Variants in CTNNA3 observed in about 807,000 individuals in gnomAD.
The protein encoded by CTNNA3 is catenin alpha 3.
CTNNA3 carries 76 observed loss-of-function variants against 95.7 expected under a neutral mutation model. The ratio of observed to expected loss-of-function variants is 0.79; its 90% CI spans 0.66 to 0.96. The LOEUF is 0.96. Ranked by LOEUF, CTNNA3 falls within the 40% of genes least tolerant of loss-of-function variation. The pLI is 0.00. For synonymous variants in CTNNA3, 431 were observed against 374.4 expected (o/e 1.15, Z -1.74); for missense variants, 1,191 against 1,089.8 (o/e 1.09, Z -1.31).
chr10:66,269,712 G>A (rs1023018607), intron 13 of CTNNA3, among the ~76,000 whole-genome samples: 3 of 151,980 alleles, frequency 2.0e-5, no homozygotes, highest in South Asian at 2.1e-4. Flanking sequence ...AATACACTCC[G>A]GCACATTCCA....
intron 9 of CTNNA3, among the ~76,000 whole-genome samples, chr10:66,640,717 C>T (rs1845487921): frequency 6.6e-6 from 1 of 152,134 alleles, no homozygotes; most frequent in Admixed American, 6.6e-5. Flanking sequence ...AGATTAGGCA[C>T]AGTTCCCCAG....
intron 13 of CTNNA3, among the ~76,000 whole-genome samples, chr10:66,198,536 C>A (rs1284197447): frequency 1.3e-5 from 2 of 152,060 alleles, no homozygotes; most frequent in Non-Finnish European, 2.9e-5. Flanking sequence ...CAAATTGAAT[C>A]TGCTAGACTG....
In CTNNA3 at chr10:66,956,135, G is replaced by T. The variant is rs148622210; in HGVS notation, c.1048-180611C>A. ...GGAAGAAGAACCTTTTTGCTTGTTAGCCTTCATATTTCCTACATGTGGGGG... is the reference window on the plus strand; with the variant it reads ...GGAAGAAGAACCTTTTTGCTTGTTATCCTTCATATTTCCTACATGTGGGGG... On this transcript the variant is annotated intron_variant, in intron 7 of 17. Transcript: ENST00000433211. 1.3e-4 allele frequency among the ~76,000 whole-genome samples: 20 copies of T among 151,952 alleles called. 1 individual carries two copies. In the East Asian group the frequency reaches 3.7e-3, roughly 28 times the overall value.
chr10:66,642,597 T>A, intron 9 of CTNNA3, among the ~76,000 whole-genome samples: 1 of 152,138 alleles, frequency 6.6e-6, no homozygotes, highest in East Asian at 1.9e-4. Context: ...TTCCCTTGGC[T>A]AGAAATATTT....
chr10:66,369,703 T>G (rs1165072641), intron 12 of CTNNA3, among the ~76,000 whole-genome samples: 1 of 152,162 alleles, frequency 6.6e-6, no homozygotes, highest in Non-Finnish European at 1.5e-5. Context: ...TTGCAAATGT[T>G]GGCCGGCTAA....
At chr10:66,079,996 T>C (rs2080693222) in intron 14 of CTNNA3, among the ~76,000 whole-genome samples, 2 of 152,224 alleles carry the variant, frequency 1.3e-5, no homozygotes, top group African/African-American at 4.8e-5. Flanking sequence ...TATTTCTTTC[T>C]GACTCCATTA....
intron 12 of CTNNA3, among the ~76,000 whole-genome samples, chr10:66,290,096 G>A (rs1185088491): frequency 2.6e-5 from 4 of 152,026 alleles, no homozygotes; most frequent in African/African-American, 9.7e-5. Flanking sequence ...AGGAAAGAAG[G>A]ATAGTAGTAG....
At chr10:66,457,348 G>A (rs72791556) in intron 11 of CTNNA3, among the ~76,000 whole-genome samples, 17,190 of 151,636 alleles carry the variant, frequency 0.11, 1,369 homozygotes, top group African/African-American at 0.23. Context: ...AAGCACTCTC[G>A]AAACTCAATA....
At chr10:67,688,081 G>A (rs533293108) in intron 1 of CTNNA3, among the ~76,000 whole-genome samples, 1 of 152,178 alleles carries the variant, frequency 6.6e-6, no homozygotes, top group Non-Finnish European at 1.5e-5. Flanking sequence ...TGACCTAATA[G>A]CATGATATCT....
At chr10:66,233,625 A>T (rs1186830800) in intron 13 of CTNNA3, among the ~76,000 whole-genome samples, 2 of 152,178 alleles carry the variant, frequency 1.3e-5, no homozygotes, top group African/African-American at 4.8e-5. Flanking sequence ...CTGCATATAG[A>T]CTAGAATAGT....
intron 13 of CTNNA3, among the ~76,000 whole-genome samples, chr10:66,228,643 A>ATAT (rs2089440479): frequency 6.6e-6 from 1 of 152,048 alleles, no homozygotes; most frequent in Non-Finnish European, 1.5e-5. Context: ...CTCTACTTGT[A>ATAT]TATTAGGTCT....
chr10:67,264,629 A>G (rs1251399316), intron 5 of CTNNA3, among the ~76,000 whole-genome samples: 1 of 152,142 alleles, frequency 6.6e-6, no homozygotes, highest in East Asian at 1.9e-4. Flanking sequence ...CTATTCTGCA[A>G]ATTTTAGATT....
intron 15 of CTNNA3, among the ~76,000 whole-genome samples, chr10:65,992,625 A>T (rs886945192): frequency 1.4e-5 from 2 of 147,330 alleles, no homozygotes; most frequent in African/African-American, 2.5e-5. Flanking sequence ...TTATTTGGGT[A>T]TTCTCTCTTT....
At chr10:67,726,414 T>C (rs1358599483) in intron 1 of CTNNA3, among the ~76,000 whole-genome samples, 14 of 59,186 alleles carry the variant, frequency 2.4e-4, no homozygotes, top group East Asian at 2.1e-3. Flanking sequence ...ATATCATATA[T>C]AATATTATAT....
At chr10:67,539,803 C>G (rs1326302387) in intron 3 of CTNNA3, 134 bp from the exon 4 acceptor site, 3 of 755,594 alleles carry the variant, frequency 4.0e-6, no homozygotes, top group Non-Finnish European at 6.2e-6. Flanking sequence ...TGACAATTTT[C>G]TCTCTCAATA....
chr10:66,339,434 G>T (rs953017944), intron 12 of CTNNA3, among the ~76,000 whole-genome samples: 1 of 151,630 alleles, frequency 6.6e-6, no homozygotes, highest in African/African-American at 2.4e-5. Context: ...AATCAGCAGA[G>T]GTAATAGGTT....
At chr10:67,718,054 C>G (rs2133616663) in intron 1 of CTNNA3, among the ~76,000 whole-genome samples, 1 of 152,214 alleles carries the variant, frequency 6.6e-6, no homozygotes, top group East Asian at 1.9e-4. Context: ...AAGTTGTATT[C>G]CTAGATATTT....
chr10:66,271,653 G>T (rs1015079220), intron 13 of CTNNA3, among the ~76,000 whole-genome samples: 1 of 152,132 alleles, frequency 6.6e-6, no homozygotes. Context: ...AAAGGGAGAT[G>T]CTTGGCTCCT....
intron 11 of CTNNA3, among the ~76,000 whole-genome samples, chr10:66,485,205 A>G (rs1274653356): frequency 6.6e-6 from 1 of 152,128 alleles, no homozygotes; most frequent in Non-Finnish European, 1.5e-5. Flanking sequence ...CAATTCTATT[A>G]AACATAGTAC....
Sources: gnomAD v4.1 joint callset for allele counts (sites outside exome capture counted in the v4.1 genomes callset) on GRCh38, gnomAD v4.1.1 for gene constraint, MANE v1.5 for transcripts, NCBI Gene and HGNC (gene_info 2026-07-23, HGNC 2026-07-21) for gene names.